Variants in NKAIN2 observed in about 807,000 individuals in gnomAD.
The protein encoded by NKAIN2 is sodium/potassium-transporting ATPase subunit beta-1-interacting protein 2.
A neutral mutation model predicts 32.6 loss-of-function variants in NKAIN2; 14 were observed. The ratio of observed to expected loss-of-function variants is 0.43; its 90% CI spans 0.28 to 0.67. The LOEUF (loss-of-function observed/expected upper bound fraction) is 0.67. Ranked by LOEUF, NKAIN2 falls within the 30% of genes least tolerant of loss-of-function variation. NKAIN2 has a pLI of 0.17. For synonymous variants in NKAIN2, 80 were observed against 87.2 expected (o/e 0.92, Z 0.46); for missense variants, 198 against 258.3 (o/e 0.77, Z 1.60).
intron 3 of NKAIN2, among the ~76,000 whole-genome samples, chr6:124,555,645 C>T (rs1780446874): frequency 1.3e-5 from 2 of 152,176 alleles, no homozygotes; most frequent in Admixed American, 6.5e-5. Context: ...ACTTCTGCTT[C>T]AAGTATCCCA....
chr6:124,305,698 C>T (rs1796479937), intron 2 of NKAIN2, among the ~76,000 whole-genome samples: 2 of 152,246 alleles, frequency 1.3e-5, no homozygotes, highest in Admixed American at 1.3e-4. Context: ...CTTGATACTT[C>T]ATTTTCACTT....
chr6:123,970,741 G>A (rs989536210), intron 1 of NKAIN2, among the ~76,000 whole-genome samples: 1 of 151,894 alleles, frequency 6.6e-6, no homozygotes, highest in South Asian at 2.1e-4. Context: ...AATTAGCCAG[G>A]CATGGTGGTG....
At chr6:123,866,593 G>C (rs1477097173) in intron 1 of NKAIN2, among the ~76,000 whole-genome samples, 1 of 152,080 alleles carries the variant, frequency 6.6e-6, no homozygotes, top group Non-Finnish European at 1.5e-5. Context: ...ACCAAGCCCG[G>C]CCAATTTTTT....
intron 1 of NKAIN2, among the ~76,000 whole-genome samples, chr6:124,006,130 A>G (rs1026190295): frequency 3.9e-5 from 6 of 152,180 alleles, no homozygotes; most frequent in Non-Finnish European, 8.8e-5. Context: ...AGGAAATTGA[A>G]GTTCTCAGGA....
At chr6:124,531,234 CTG>C in intron 3 of NKAIN2, among the ~76,000 whole-genome samples, 1 of 152,272 alleles carries the variant, frequency 6.6e-6, no homozygotes, top group African/African-American at 2.4e-5. Context: ...GCCACCCAGT[CTG>C]TAGTATTTTG....
intron 4 of NKAIN2, among the ~76,000 whole-genome samples, chr6:124,727,403 C>A (rs1038161876): frequency 5.3e-5 from 8 of 151,702 alleles, no homozygotes; most frequent in African/African-American, 1.9e-4. Context: ...GGCCAATATT[C>A]AACATTCTTA....
intron 1 of NKAIN2, among the ~76,000 whole-genome samples, chr6:123,883,679 TAA>T (rs368253353): frequency 5.6e-5 from 8 of 143,486 alleles, no homozygotes; most frequent in African/African-American, 1.5e-4. Flanking sequence ...AAAACCTCTT[TAA>T]AAAAAAAAAT....
intron 1 of NKAIN2, among the ~76,000 whole-genome samples, chr6:124,176,915 C>T (rs1789183998): frequency 6.6e-6 from 1 of 151,866 alleles, no homozygotes; most frequent in African/African-American, 2.4e-5. Flanking sequence ...TTAACTTTTA[C>T]CCATCTTATG....
At chr6:124,176,867 A>G (rs1029139752) in intron 1 of NKAIN2, among the ~76,000 whole-genome samples, 1 of 151,918 alleles carries the variant, frequency 6.6e-6, no homozygotes, top group Non-Finnish European at 1.5e-5. Flanking sequence ...TTTTATTTTC[A>G]TGTTTGTCTT....
intron 4 of NKAIN2, among the ~76,000 whole-genome samples, chr6:124,752,693 A>G (rs1777779689): frequency 6.6e-6 from 1 of 152,092 alleles, no homozygotes; most frequent in Admixed American, 6.6e-5. Flanking sequence ...GTAGGTCAGC[A>G]GAGCTCATAG....
chr6:124,754,277 A>C (rs1039194103), intron 4 of NKAIN2, among the ~76,000 whole-genome samples: 8 of 152,120 alleles, frequency 5.3e-5, no homozygotes, highest in African/African-American at 1.7e-4. Context: ...GAAGAATGCT[A>C]ACAGCAAACT....
intron 3 of NKAIN2, among the ~76,000 whole-genome samples, chr6:124,656,884 A>T (rs1205658560): frequency 6.6e-6 from 1 of 152,142 alleles, no homozygotes; most frequent in Non-Finnish European, 1.5e-5. Context: ...AGCTCTAGCC[A>T]CAGACTCTAT....
intron 3 of NKAIN2, among the ~76,000 whole-genome samples, chr6:124,452,647 C>G (rs1776156271): frequency 1.3e-5 from 2 of 151,998 alleles, no homozygotes; most frequent in Non-Finnish European, 2.9e-5. Context: ...TCTTTTATAT[C>G]TATGACAGAA....
At chr6:124,821,285 G>A (rs1483378691) in intron 6 of NKAIN2, among the ~76,000 whole-genome samples, 100 of 148,908 alleles carry the variant, frequency 6.7e-4, no homozygotes, top group Non-Finnish European at 1.2e-3. Flanking sequence ...ACAAAGTGAG[G>A]CTCTGTCTCA....
At chr6:123,824,554 T>C (rs572228258) in intron 1 of NKAIN2, among the ~76,000 whole-genome samples, 1 of 152,080 alleles carries the variant, frequency 6.6e-6, no homozygotes, top group South Asian at 2.1e-4. Context: ...TTATAGAAAG[T>C]TGGAGTAGTT....
chr6:124,492,681 T>G (rs1022311201), intron 3 of NKAIN2, among the ~76,000 whole-genome samples: 2 of 152,044 alleles, frequency 1.3e-5, no homozygotes, highest in Non-Finnish European at 2.9e-5. Flanking sequence ...TGCCATTGAT[T>G]CTTACAATAG....
chr6:124,459,032 T>C (rs1281206660), intron 3 of NKAIN2, among the ~76,000 whole-genome samples: 1 of 151,912 alleles, frequency 6.6e-6, no homozygotes, highest in Non-Finnish European at 1.5e-5. Context: ...CTCTAGTGAA[T>C]GTCGATTGAC....
At chr6:124,050,405 G>C (rs1366256180) in intron 1 of NKAIN2, among the ~76,000 whole-genome samples, 1 of 151,988 alleles carries the variant, frequency 6.6e-6, no homozygotes, top group Non-Finnish European at 1.5e-5. Context: ...TAGAACCTGT[G>C]TCACATCCTT....
chr6:124,453,080 A>G (rs1335361503), intron 3 of NKAIN2, among the ~76,000 whole-genome samples: 2 of 151,970 alleles, frequency 1.3e-5, no homozygotes, highest in Non-Finnish European at 1.5e-5. Context: ...TTCTCATCTC[A>G]ATACCCAGAA....
Sources: allele counts gnomAD v4.1 joint callset (sites outside exome capture counted in the v4.1 genomes callset), GRCh38; gene constraint gnomAD v4.1.1; transcripts MANE v1.5; gene names NCBI Gene and HGNC (gene_info 2026-07-23, HGNC 2026-07-21).